RGS20: variants seen among roughly 807,000 people sequenced by gnomAD.
The protein encoded by RGS20 is gz-selective GTPase-activating protein.
A neutral mutation model predicts 33.6 loss-of-function variants in RGS20; 30 were observed. The observed-to-expected ratio is 0.89, with a 90% CI of 0.67 to 1.21. The LOEUF (loss-of-function observed/expected upper bound fraction) is 1.21, where lower values mean the gene tolerates loss of function less well. Ranked by LOEUF, RGS20 falls within the 50% of genes most tolerant of loss-of-function variation. The probability of loss-of-function intolerance (pLI) is 0.00; values close to 1 mark genes in which losing one functional copy is unlikely to be tolerated. For synonymous variants in RGS20, 208 were observed against 197.9 expected (o/e 1.05, Z -0.43); for missense variants, 472 against 502.4 (o/e 0.94, Z 0.58).
chr8:53,905,083 T>G (rs1813128849), intron 2 of RGS20, among the ~76,000 whole-genome samples: 3 of 152,312 alleles, frequency 2.0e-5, no homozygotes, highest in Admixed American at 1.3e-4. Flanking sequence ...AAACAGATGG[T>G]AAGATGCTTA....
intron 2 of RGS20, among the ~76,000 whole-genome samples, chr8:53,924,208 T>C (rs1292933942): frequency 6.6e-6 from 1 of 151,946 alleles, no homozygotes; most frequent in Non-Finnish European, 1.5e-5. Context: ...TATTTTTTTT[T>C]GAGACAGAGT....
chr8:53,947,158 ATT>A (rs1334089416), intron 4 of RGS20, among the ~76,000 whole-genome samples: 74 of 146,628 alleles, frequency 5.0e-4, no homozygotes, highest in African/African-American at 1.7e-3. Flanking sequence ...TAGTATATAT[ATT>A]TATACACTCT....
At chr8:53,910,629 C>G (rs1203859436) in intron 2 of RGS20, among the ~76,000 whole-genome samples, 1 of 152,208 alleles carries the variant, frequency 6.6e-6, no homozygotes, top group Non-Finnish European at 1.5e-5. Flanking sequence ...ACAAAAATCT[C>G]TGCACAAATG....
chr8:53,954,259 G>C lies in RGS20; in HGVS notation c.927G>C (p.Glu309Asp), dbSNP rs768353262. The C allele has an allele frequency of 1.9e-6, 3 of 1,613,676 alleles. No homozygotes were observed. The highest frequency in any genetic ancestry group is 2.5e-6 in the Non-Finnish European group (3 of 1,179,612). The change falls in exon 5 of 6, where the codon GAG (glutamate) becomes GAC (aspartate). Residue 309 changes from glutamate to aspartate, a missense_variant. Physicochemically the swap from Glu to Asp is conservative, Grantham distance 45. This residue lies in a region of RGS20 where 125 missense variants were observed against 169.5 expected (regional missense o/e 0.74). Coordinates refer to ENST00000297313, the MANE Select transcript of RGS20 (RefSeq NM_170587.4). ...AAGCTAATAAAAACATTATTGAAGAGAAAGCAAGGATAATCTATGAAGACT... is the reference window on the plus strand; with the variant it reads ...AAGCTAATAAAAACATTATTGAAGACAAAGCAAGGATAATCTATGAAGACT...
intron 2 of RGS20, among the ~76,000 whole-genome samples, chr8:53,906,289 T>C (rs1366210917): frequency 6.6e-6 from 1 of 151,674 alleles, no homozygotes; most frequent in African/African-American, 2.4e-5. Context: ...AGCAGGAGAA[T>C]CACTTGAACC....
chr8:53,880,766 G>C, intron 2 of RGS20, 106 bp from the exon 1 acceptor site: 1 of 1,044,108 alleles, frequency 9.6e-7, no homozygotes, highest in Non-Finnish European at 1.3e-6. Context: ...GTGGGGCCTC[G>C]GGGGTACCCC....
chr8:53,893,822 T>G lies in RGS20; in HGVS notation c.510+14220T>G, dbSNP rs138563121. Among the ~76,000 whole-genome samples the G allele has an allele frequency of 1.1e-3, 174 of 152,250 alleles. 1 individual carries two copies. The highest frequency in any genetic ancestry group is 4.0e-3 in the African/African-American group (168 of 41,540). The stretch of plus-strand genomic sequence containing the variant: ...CCAGACCACATAGAATAAATTTGGC[T>G]TAAAGGATGAAAGAGTACTAAGAAG... On this transcript the variant is annotated intron_variant, in intron 2 of 5. Coordinates refer to ENST00000297313, the MANE Select transcript of RGS20 (RefSeq NM_170587.4).
chr8:53,947,989 ATATT>A (rs1301158389), intron 4 of RGS20, among the ~76,000 whole-genome samples: 2 of 136,522 alleles, frequency 1.5e-5, no homozygotes, highest in Non-Finnish European at 3.0e-5. Context: ...GATAGTATAT[ATATT>A]TATATATGCT....
intron 2 of RGS20, among the ~76,000 whole-genome samples, chr8:53,904,927 GTTCA>G (rs1166642681): frequency 6.6e-6 from 1 of 152,194 alleles, no homozygotes; most frequent in Admixed American, 6.5e-5. Flanking sequence ...TATATAGGAT[GTTCA>G]TTTAGTAATG....
intron 2 of RGS20, among the ~76,000 whole-genome samples, chr8:53,900,006 C>G (rs1812967892): frequency 6.6e-6 from 1 of 152,102 alleles, no homozygotes; most frequent in Non-Finnish European, 1.5e-5. Context: ...CAGCTTTGCC[C>G]AGCTATTTTT....
Position 53,851,824 on chromosome 8 carries a change from A to G in RGS20, c.-76A>G. ...CCAGCCCAGCATTAACCAAACAAAGAGAAGCAGAGTGGATCCTGTGCTAAT... is the reference window on the plus strand; with the variant it reads ...CCAGCCCAGCATTAACCAAACAAAGGGAAGCAGAGTGGATCCTGTGCTAAT... On this transcript the variant is annotated 5_prime_UTR_variant, in exon 1 of 6. Transcript: ENST00000297313. 2.7e-6 allele frequency: 4 copies of G among 1,476,146 alleles called. No homozygotes were observed. In the South Asian group the frequency reaches 3.9e-5, roughly 15 times the overall value. 91.4% of individuals were successfully genotyped at this position (1,476,146 alleles called of 1,614,324 possible).
chr8:53,949,740 G>T (rs528455471), intron 4 of RGS20, among the ~76,000 whole-genome samples: 22 of 151,884 alleles, frequency 1.4e-4, no homozygotes, highest in African/African-American at 4.6e-4. Flanking sequence ...ATCAATAAAG[G>T]GAGAGGGAGA....
At chr8:53,906,581 T>C (rs1813186150) in intron 2 of RGS20, among the ~76,000 whole-genome samples, 1 of 152,144 alleles carries the variant, frequency 6.6e-6, no homozygotes. Flanking sequence ...TTGAAACACG[T>C]TGTGTTAAAT....
intron 2 of RGS20, 80 bp from the exon 1 acceptor site, chr8:53,880,792 T>C: frequency 8.3e-7 from 1 of 1,205,814 alleles, no homozygotes; most frequent in Non-Finnish European, 1.1e-6. Context: ...CCCGCGGCGG[T>C]GGAGTGCGCC....
intron 1 of RGS20, among the ~76,000 whole-genome samples, chr8:53,874,403 C>A (rs6996276): frequency 8.6e-6 from 1 of 115,622 alleles, no homozygotes; most frequent in Non-Finnish European, 1.7e-5. Context: ...TGTGTGTGTG[C>A]GCGCGCGTGT....
chr8:53,943,790 A>G (rs548239885), intron 3 of RGS20, among the ~76,000 whole-genome samples: 3 of 152,180 alleles, frequency 2.0e-5, no homozygotes, highest in African/African-American at 4.8e-5. Context: ...ATACCCACTG[A>G]GCAGTAATGT....
chr8:53,862,467 A>G (rs966006788), intron 1 of RGS20, among the ~76,000 whole-genome samples: 4 of 152,168 alleles, frequency 2.6e-5, no homozygotes, highest in African/African-American at 4.8e-5. Flanking sequence ...ACTTCTGATC[A>G]CAGAGAAGGT....
At chr8:53,949,123 T>C (rs375903435) in intron 4 of RGS20, among the ~76,000 whole-genome samples, 7 of 25,574 alleles carry the variant, frequency 2.7e-4, no homozygotes, top group African/African-American at 4.5e-4. Context: ...AGATACAGTA[T>C]ATATTTATAT....
chr8:53,901,853 G>A (rs1813043045), intron 2 of RGS20, among the ~76,000 whole-genome samples: 1 of 152,088 alleles, frequency 6.6e-6, no homozygotes, highest in African/African-American at 2.4e-5. Flanking sequence ...GTGAGACCCT[G>A]TCCCTTAAAA....
Sources: gnomAD v4.1 joint callset for allele counts (sites outside exome capture counted in the v4.1 genomes callset) on GRCh38, gnomAD v4.1.1 for gene constraint, gnomAD v4.1.1 regional missense constraint, MANE v1.5 for transcripts, NCBI Gene and HGNC (gene_info 2026-07-23, HGNC 2026-07-21) for gene names.